MDN1: variants seen among roughly 807,000 people sequenced by gnomAD.
The protein encoded by MDN1 is midasin AAA ATPase 1.
A neutral mutation model predicts 669.2 loss-of-function variants in MDN1; 266 were observed. The observed-to-expected ratio is 0.40, with a 90% confidence interval of 0.36 to 0.44. The LOEUF (loss-of-function observed/expected upper bound fraction) is 0.44, where lower values mean the gene tolerates loss of function less well. Among genes scored for constraint, MDN1 ranks in the 20% least tolerant of loss-of-function variants. The pLI is 1.00. For missense variants in MDN1, 5,940 were observed against 6,754.0 expected (o/e 0.88, Z 4.22); for synonymous variants, 2,385 against 2,457.1 (o/e 0.97, Z 0.87).
chr6:89,779,361 T>C (rs1818526785), intron 11 of MDN1, among the ~76,000 whole-genome samples: 1 of 152,184 alleles, frequency 6.6e-6, no homozygotes, highest in Admixed American at 6.5e-5. Flanking sequence ...TAATATCCAC[T>C]AGAATGGTTA....
At position 89,793,826 on chromosome 6, in the gene MDN1, G is replaced by A. The variant is rs772299132; in HGVS notation, c.791C>T (p.Ser264Phe). 3 of 1,614,048 alleles carry A rather than the reference G, an allele frequency of 1.9e-6. No homozygotes were observed. The highest frequency in any genetic ancestry group is 4.5e-5 in the East Asian group (2 of 44,884). Residue 264 changes from serine (S) to phenylalanine (F), a missense_variant, in exon 5 of 102, where the codon TCC (serine) becomes TTC (phenylalanine). Physicochemically the swap from Ser to Phe is radical, Grantham distance 155. Transcript: ENST00000369393. ...ACCACAAACAGCTGTCACCCTAGGG[G>A]AGAGGTCAGACGAAACAAGATGTCC... Reference protein sequence around the residue: ...LQGHLVSSDLSPRVTAVCGVV... With the variant: ...LQGHLVSSDLFPRVTAVCGVV...
chr6:89,756,105 C>T (rs1012102463), intron 20 of MDN1, among the ~76,000 whole-genome samples, 172 bp downstream of exon 20: 4 of 152,108 alleles, frequency 2.6e-5, no homozygotes, highest in Non-Finnish European at 5.9e-5. Context: ...CTTAGAAAAA[C>T]CTAAAGGAGT....
At chr6:89,728,557 G>A (rs1430425526) in intron 36 of MDN1, among the ~76,000 whole-genome samples, 3 of 152,176 alleles carry the variant, frequency 2.0e-5, no homozygotes, top group Non-Finnish European at 2.9e-5. Context: ...CAGGCCAGGC[G>A]CCATGGCTTA....
chr6:89,792,631 A>G (rs1001560353), intron 5 of MDN1, among the ~76,000 whole-genome samples: 2 of 151,910 alleles, frequency 1.3e-5, no homozygotes, highest in African/African-American at 2.4e-5. Context: ...CACTGACTAC[A>G]CTTATGACAA....
chr6:89,737,654 A>G (rs1816062720), intron 33 of MDN1, among the ~76,000 whole-genome samples: 1 of 151,718 alleles, frequency 6.6e-6, no homozygotes, highest in East Asian at 1.9e-4. Context: ...AAAATTATTT[A>G]ATTAATTAAT....
rs1229580925 is a variant in MDN1, at chr6:89,643,494, A to G, written c.*511T>C. On this transcript the variant is annotated 3_prime_UTR_variant, in exon 102 of 102. Coordinates refer to ENST00000369393, the MANE Select transcript of MDN1 (RefSeq NM_014611.3). ...AGAAGGTAGTTCCTTTCACAATAAG[A>G]AAACACACCCTCATACTCTCCAGAA... The G allele has an allele frequency of 3.3e-5, 5 of 152,416 alleles. No individual in the cohort carries two copies. The highest frequency in any genetic ancestry group is 3.3e-4 in the Admixed American group (5 of 15,284). The allele number at this position is 152,416 out of a possible 1,614,324, so 9.4% of individuals were successfully genotyped here. A position where few individuals can be genotyped will look rare whatever the true frequency, so the allele number is the denominator to read the frequency against.
chr6:89,669,684 T>C, intron 83 of MDN1, among the ~76,000 whole-genome samples: 1 of 152,106 alleles, frequency 6.6e-6, no homozygotes, highest in South Asian at 2.1e-4. Context: ...AAATGCATAT[T>C]AGTATAGGCA....
rs753108472 is a variant in MDN1 at position 89,694,078 on chromosome 6, C to T, written c.9877G>A (p.Val3293Ile). ...EVVVSYSHPHVRLLRQRMDRL... is the reference protein window; with the variant it reads ...EVVVSYSHPHIRLLRQRMDRL... ...ATAATCACTCTGCTGTGTTACCTGACGTGAGGATGAGAGTAGCTGACAACG... is the reference window on the plus strand; with the variant it reads ...ATAATCACTCTGCTGTGTTACCTGATGTGAGGATGAGAGTAGCTGACAACG... The change falls in exon 62 of 102, where the codon GTC becomes ATC. Residue 3293 changes from valine to isoleucine, a missense_variant. Physicochemically the swap from Val to Ile is conservative, Grantham distance 29 (BLOSUM62 3). Around this residue, in one of 5 missense-constraint regions of MDN1, gnomAD observed 150 missense variants for 234.2 expected, o/e 0.64. Transcript: ENST00000369393. 20 of 1,612,628 alleles carry T rather than the reference C, an allele frequency of 1.2e-5. No homozygotes were observed. Among genetic ancestry groups the T allele is most frequent in the East Asian group, 6.7e-5 (3 of 44,894 alleles).
intron 2 of MDN1, among the ~76,000 whole-genome samples, chr6:89,801,324 G>C (rs528007817): frequency 6.6e-6 from 1 of 152,298 alleles, no homozygotes; most frequent in South Asian, 2.1e-4. Context: ...AGGAGTTCAA[G>C]ACTGGCCTGG....
intron 8 of MDN1, among the ~76,000 whole-genome samples, chr6:89,787,179 C>T (rs1028904498): frequency 1.3e-5 from 2 of 152,006 alleles, no homozygotes; most frequent in African/African-American, 4.8e-5. Context: ...GAGGTAAACA[C>T]TAATATAATC....
At chr6:89,760,248 T>G (rs144772054) in intron 17 of MDN1, among the ~76,000 whole-genome samples, 164 of 152,220 alleles carry the variant, frequency 1.1e-3, no homozygotes, top group African/African-American at 3.9e-3. Flanking sequence ...CCACAAATAT[T>G]TAACCAAGTT....
chr6:89,661,346 A>G, intron 88 of MDN1, 85 bp downstream of exon 88: 1 of 1,463,424 alleles, frequency 6.8e-7, no homozygotes, highest in Non-Finnish European at 9.3e-7. Context: ...CCTGGCCATG[A>G]CACTGAGCTA....
chr6:89,728,591 GAGGCCA>G, intron 36 of MDN1, among the ~76,000 whole-genome samples: 1 of 152,290 alleles, frequency 6.6e-6, no homozygotes, highest in East Asian at 1.9e-4. Flanking sequence ...AACACTTTGG[GAGGCCA>G]AGGCAGGTGG....
Position 89,744,728 on chromosome 6 carries a change from T to C in MDN1, c.4178+545A>G, listed in dbSNP as rs1167482046. ...GAGACTCTGACTTTACAAAAAAATT[T>C]AAAAATTAGCCAAGTGTGGTGGTGC... On this transcript the variant is annotated intron_variant, in intron 29 of 101. Transcript: ENST00000369393. 3.3e-5 allele frequency among the ~76,000 whole-genome samples: 5 copies of C among 151,862 alleles called. 1 individual carries two copies. Among genetic ancestry groups the C allele is most frequent in the South Asian group, 2.1e-4 (1 of 4,806 alleles).
chr6:89,708,620 C>T lies in MDN1; in HGVS notation c.7774G>A (p.Val2592Met), dbSNP rs1022803189. 1 of 1,613,080 alleles carries T rather than the reference C, an allele frequency of 6.2e-7. No homozygotes were observed. The highest frequency in any genetic ancestry group is 1.3e-5 in the African/African-American group (1 of 74,884). ...ILQPNTTDEF[V>M]IPLDPRWNMQ... Reference sequence around the variant, plus strand: ...TTCCATCGGGGATCCAGAGGGATCACAAATTCATCTAGTTTAAAAACAGAA... The same window carrying T: ...TTCCATCGGGGATCCAGAGGGATCATAAATTCATCTAGTTTAAAAACAGAA... Residue 2592 changes from valine to methionine, a missense_variant, in exon 51 of 102, where the codon GTG becomes ATG. This residue lies in a region of MDN1 where 2,292 missense variants were observed against 2,638.3 expected (regional missense o/e 0.87). Coordinates refer to ENST00000369393, the MANE Select transcript of MDN1 (RefSeq NM_014611.3).
At chr6:89,696,161 T>A (rs1272341170) in intron 60 of MDN1, among the ~76,000 whole-genome samples, 169 bp from the exon 61 acceptor site, 1 of 152,190 alleles carries the variant, frequency 6.6e-6, no homozygotes, top group Non-Finnish European at 1.5e-5. Flanking sequence ...GTTCACCCTC[T>A]TGATCACAAT....
rs1808309933 is a variant in MDN1 at position 89,643,890 on chromosome 6, G to C, written c.*115C>G. 1.0e-6 allele frequency: 1 copy of C among 955,112 alleles called. No individual in the cohort carries two copies. Among genetic ancestry groups the C allele is most frequent in the African/African-American group, 1.7e-5 (1 of 59,478 alleles). 59.2% of individuals were successfully genotyped at this position (955,112 alleles called of 1,614,324 possible). Reference sequence around the variant, plus strand: ...ATTCTGTAGGCTGTAAGATCACGTTGTAAAATAAAAATATTACAATAAAAT... The same window carrying C: ...ATTCTGTAGGCTGTAAGATCACGTTCTAAAATAAAAATATTACAATAAAAT... On this transcript the variant is annotated 3_prime_UTR_variant, in exon 102 of 102. Coordinates refer to ENST00000369393, the MANE Select transcript of MDN1 (RefSeq NM_014611.3).
chr6:89,797,199 G>A (rs1184781802), intron 2 of MDN1, among the ~76,000 whole-genome samples: 5 of 151,266 alleles, frequency 3.3e-5, no homozygotes, highest in African/African-American at 4.9e-5. Context: ...GTGAAACCCC[G>A]TCTCTACTAA....
At position 89,712,099 on chromosome 6, in the gene MDN1, G is replaced by C; in HGVS notation, c.7588C>G (p.Gln2530Glu). The C allele has an allele frequency of 1.2e-6, 2 of 1,614,160 alleles. No individual in the cohort carries two copies. The highest frequency in any genetic ancestry group is 1.7e-6 in the Non-Finnish European group (2 of 1,180,000). ...CATTTAACTCTGAGCATCCAATCCT[G>C]ATTGGTTGCTCTTTCTATGAGCAAT... ...VKLLIERATNQDWMLRVKWLY... is the reference protein window; with the variant it reads ...VKLLIERATNEDWMLRVKWLY... Residue 2530 changes from glutamine to glutamate, a missense_variant, in exon 49 of 102, where the codon CAG (glutamine) becomes GAG (glutamate). Coordinates refer to ENST00000369393, the MANE Select transcript of MDN1 (RefSeq NM_014611.3).
Sources: allele counts gnomAD v4.1 joint callset (sites outside exome capture counted in the v4.1 genomes callset), GRCh38; gene constraint gnomAD v4.1.1; regional missense constraint gnomAD v4.1.1; transcripts MANE v1.5; gene names NCBI Gene and HGNC (gene_info 2026-07-23, HGNC 2026-07-21).